The following GNB4 variants were observed in gnomAD, a reference collection of about 807,000 sequenced individuals.
The protein encoded by GNB4 is guanine nucleotide-binding protein subunit beta-4.
A neutral mutation model predicts 45.2 loss-of-function variants in GNB4; 28 were observed. The observed-to-expected ratio is 0.62, with a 90% CI of 0.46 to 0.85. The LOEUF (loss-of-function observed/expected upper bound fraction) is 0.85, where lower values mean the gene tolerates loss of function less well. Among genes scored for constraint, GNB4 ranks in the 40% least tolerant of loss-of-function variants. GNB4 has a pLI of 0.00. For synonymous variants in GNB4, 132 were observed against 143.7 expected (o/e 0.92, Z 0.58); for missense variants, 321 against 425.4 (o/e 0.75, Z 2.16).
At chr3:179,421,200 C>T (rs140630428) in intron 2 of GNB4, among the ~76,000 whole-genome samples, 1 of 152,128 alleles carries the variant, frequency 6.6e-6, no homozygotes, top group Non-Finnish European at 1.5e-5. Flanking sequence ...AACCCCATAT[C>T]TCCTAATTCC....
At chr3:179,520,386 C>T in the GNB4 span, among the ~76,000 whole-genome samples, 1,088 of 152,252 alleles carry the variant, frequency 7.1e-3, 1 homozygote, top group Middle Eastern at 0.017. Context: ...AACTCCTTTC[C>T]TTCCTAGGCA....
chr3:179,411,591 TAA>T (rs1297283463), intron 8 of GNB4, among the ~76,000 whole-genome samples: 2 of 152,046 alleles, frequency 1.3e-5, no homozygotes, highest in Non-Finnish European at 2.9e-5. Flanking sequence ...TCATTCCTCA[TAA>T]AGACTTTAGC....
At chr3:179,475,341 G>C in the GNB4 span, among the ~76,000 whole-genome samples, 2 of 151,832 alleles carry the variant, frequency 1.3e-5, no homozygotes, top group South Asian at 4.2e-4. Context: ...GGAAAGTCTT[G>C]ATCTCCTGAC....
the GNB4 span, among the ~76,000 whole-genome samples, chr3:179,467,916 G>C: frequency 3.3e-5 from 5 of 151,564 alleles, no homozygotes; most frequent in Non-Finnish European, 5.9e-5. Flanking sequence ...GTGAATGGGA[G>C]TTTGACTTTG....
intron 8 of GNB4, among the ~76,000 whole-genome samples, chr3:179,409,708 G>T (rs1282222597): frequency 6.6e-6 from 1 of 151,522 alleles, no homozygotes; most frequent in Non-Finnish European, 1.5e-5. Flanking sequence ...TACTTCGAAG[G>T]CTGAGGCAGG....
At chr3:179,491,869 T>A in the GNB4 span, among the ~76,000 whole-genome samples, 1 of 152,230 alleles carries the variant, frequency 6.6e-6, no homozygotes, top group Non-Finnish European at 1.5e-5. Flanking sequence ...CAGCTAGGTA[T>A]CAATGTAATA....
At chr3:179,504,967 A>G in the GNB4 span, among the ~76,000 whole-genome samples, 1 of 152,118 alleles carries the variant, frequency 6.6e-6, no homozygotes, top group East Asian at 1.9e-4. Flanking sequence ...TCTGGCAGGG[A>G]GTCTTCAAAC....
chr3:179,420,886 T>G lies in GNB4; in HGVS notation c.96+3A>C, dbSNP rs754601611. 1 of 1,577,664 alleles carries G rather than the reference T, an allele frequency of 6.3e-7. No homozygotes were observed. Among genetic ancestry groups the G allele is most frequent in the Non-Finnish European group, 8.7e-7 (1 of 1,151,860 alleles). On this transcript the variant is annotated splice_donor_region_variant and intron_variant, in intron 3 of 9. Coordinates refer to ENST00000232564, the MANE Select transcript of GNB4 (RefSeq NM_021629.4). ...AATGAAATAAAGAAAAACAAAACTT[T>G]ACCTGAACAAGCGTTGCATCATTAC...
At chr3:179,477,808 G>A in the GNB4 span, among the ~76,000 whole-genome samples, 9 of 152,068 alleles carry the variant, frequency 5.9e-5, 2 homozygotes, top group South Asian at 2.1e-4. Context: ...TTCCATTCAC[G>A]ACACTCTAGG....
chr3:179,411,886 A>G (rs372319278), intron 8 of GNB4, among the ~76,000 whole-genome samples: 2 of 152,190 alleles, frequency 1.3e-5, no homozygotes, highest in East Asian at 3.9e-4. Flanking sequence ...ATCCTTGGCA[A>G]TTATGGTACT....
At position 179,428,641 on chromosome 3, in the gene GNB4, GC is replaced by G. The variant is rs1390409265; in HGVS notation, c.-42-2400del. ...AAGAACTATCGAGGGACCCTAAAGG[GC>G]CTCGGGACTTTTTAAAAATTTGCAG... On this transcript the variant is annotated intron_variant, in intron 1 of 9. Coordinates refer to ENST00000232564, the MANE Select transcript of GNB4 (RefSeq NM_021629.4). 3.3e-5 allele frequency among the ~76,000 whole-genome samples: 5 copies of G among 152,196 alleles called. 1 individual carries two copies. Among genetic ancestry groups the G allele is most frequent in the African/African-American group, 1.2e-4 (5 of 41,536 alleles).
chr3:179,418,482 AAAAAAAG>A (rs1258094313), intron 4 of GNB4, among the ~76,000 whole-genome samples: 10 of 143,034 alleles, frequency 7.0e-5, no homozygotes, highest in African/African-American at 1.2e-4. Context: ...AAAAAAAAAA[AAAAAAAG>A]AAAAAAGAAA....
chr3:179,512,601 C>T, the GNB4 span, among the ~76,000 whole-genome samples: 4,759 of 152,288 alleles, frequency 0.031, 218 homozygotes, highest in African/African-American at 0.1. Context: ...TCCCAGAGGA[C>T]AACATTCACT....
At chr3:179,472,974 T>C in the GNB4 span, among the ~76,000 whole-genome samples, 5 of 152,230 alleles carry the variant, frequency 3.3e-5, no homozygotes, top group Non-Finnish European at 4.4e-5. Flanking sequence ...CCATCCTGGC[T>C]AACACAGTGA....
At chr3:179,405,931 T>C (rs569443170) in intron 8 of GNB4, 1 of 152,352 alleles carries the variant, frequency 6.6e-6, no homozygotes, top group Non-Finnish European at 1.5e-5. Flanking sequence ...TAAATAACAC[T>C]ATTCAAATCC....
chr3:179,410,204 A>G (rs1714611430), intron 8 of GNB4: 2 of 152,238 alleles, frequency 1.3e-5, no homozygotes, highest in African/African-American at 4.8e-5. Context: ...ATTTCTTCAT[A>G]GCAGTGTGAG....
chr3:179,515,210 T>C, the GNB4 span, among the ~76,000 whole-genome samples: 23 of 152,208 alleles, frequency 1.5e-4, no homozygotes, highest in Non-Finnish European at 7.3e-5. Flanking sequence ...TGTCAGATAG[T>C]ATTCTAAGTG....
At chr3:179,502,384 C>T in the GNB4 span, among the ~76,000 whole-genome samples, 1 of 151,812 alleles carries the variant, frequency 6.6e-6, no homozygotes, top group East Asian at 1.9e-4. Context: ...CAGGCACCCG[C>T]CACCATGCCT....
chr3:179,402,899 G>A (rs6443645), intron 9 of GNB4, among the ~76,000 whole-genome samples: 107,045 of 152,040 alleles, frequency 0.7, 38,083 homozygotes, highest in African/African-American at 0.79. Context: ...GTGGCGTAAG[G>A]CCAGAGACTC....
Sources: allele counts gnomAD v4.1 joint callset (sites outside exome capture counted in the v4.1 genomes callset), GRCh38; gene constraint gnomAD v4.1.1; transcripts MANE v1.5; gene names NCBI Gene and HGNC (gene_info 2026-07-23, HGNC 2026-07-21).